Variants in LARP1B observed in about 807,000 individuals in gnomAD.
The protein encoded by LARP1B is la-related protein 1B.
In LARP1B, 76 loss-of-function variants were observed where a neutral mutation model predicts 114.2. The observed-to-expected ratio is 0.67, with a 90% CI of 0.55 to 0.81. The LOEUF is 0.81. LARP1B is among the 30% of genes least tolerant of loss of function. The probability of loss-of-function intolerance (pLI) is 0.00; values close to 1 mark genes in which losing one functional copy is unlikely to be tolerated. For missense variants in LARP1B, 1,014 were observed against 1,075.8 expected, an observed-to-expected ratio of 0.94 and a Z score of 0.80; for synonymous variants, 345 against 348.0, an observed-to-expected ratio of 0.99 and a Z score of 0.10.
Position 128,210,631 on chromosome 4 carries a change from T to C in LARP1B, c.*578T>C. Reference sequence around the variant, plus strand: ...CATATAGTTTAAAGAAAACTTTTTTTAAAACAAAAGTAGGAATATATAGTA... The same window carrying C: ...CATATAGTTTAAAGAAAACTTTTTTCAAAACAAAAGTAGGAATATATAGTA... On this transcript the variant is annotated 3_prime_UTR_variant, in exon 20 of 20. Coordinates refer to ENST00000326639, the MANE Select transcript of LARP1B (RefSeq NM_018078.4). 1 of 949,676 alleles carries C rather than the reference T, an allele frequency of 1.1e-6. No individual in the cohort carries two copies. The highest frequency in any genetic ancestry group is 1.3e-6 in the Non-Finnish European group (1 of 797,424). 58.8% of individuals were successfully genotyped at this position (949,676 alleles called of 1,614,324 possible).
chr4:128,135,330 A>G (rs1793023074), intron 11 of LARP1B, among the ~76,000 whole-genome samples: 1 of 152,142 alleles, frequency 6.6e-6, no homozygotes, highest in South Asian at 2.1e-4. Flanking sequence ...TGTGAATGTA[A>G]AATGGTGCAG....
At chr4:128,137,317 A>G (rs905244331) in intron 11 of LARP1B, among the ~76,000 whole-genome samples, 8 of 152,204 alleles carry the variant, frequency 5.3e-5, no homozygotes, top group African/African-American at 1.9e-4. Flanking sequence ...GCTGTGGGTC[A>G]GCTATTACAG....
chr4:128,145,660 C>G (rs143228351), intron 11 of LARP1B, among the ~76,000 whole-genome samples: 5 of 152,148 alleles, frequency 3.3e-5, no homozygotes, highest in African/African-American at 4.8e-5. Flanking sequence ...CTCAGCAGGA[C>G]AGTTATACTT....
At chr4:128,139,878 A>G (rs988749034) in intron 11 of LARP1B, among the ~76,000 whole-genome samples, 1 of 151,478 alleles carries the variant, frequency 6.6e-6, no homozygotes, top group Admixed American at 6.6e-5. Context: ...AAGAACCTCA[A>G]TCTGTGGGAA....
Position 128,164,898 on chromosome 4 carries a change from C to T in LARP1B, c.1648+2581C>T, listed in dbSNP as rs552407271. On this transcript the variant is annotated intron_variant, in intron 12 of 19. Coordinates refer to ENST00000326639, the MANE Select transcript of LARP1B (RefSeq NM_018078.4). Reference sequence around the variant, plus strand: ...TATTATAAGATGTGGTGTAGTCATACGTAGGAAAAATAGGCAGCAGTGGAA... The same window carrying T: ...TATTATAAGATGTGGTGTAGTCATATGTAGGAAAAATAGGCAGCAGTGGAA... 4.6e-5 allele frequency among the ~76,000 whole-genome samples: 7 copies of T among 151,366 alleles called. No homozygotes were observed. The East Asian group carries it at 7.7e-4, about 17-fold the overall frequency.
chr4:128,111,734 C>G (rs2149856515), intron 9 of LARP1B, among the ~76,000 whole-genome samples: 1 of 152,146 alleles, frequency 6.6e-6, no homozygotes, highest in African/African-American at 2.4e-5. Context: ...TTCTTGTCCC[C>G]CAGGCTGGAG....
chr4:128,140,091 A>G (rs1727324298), intron 11 of LARP1B, among the ~76,000 whole-genome samples: 1 of 152,252 alleles, frequency 6.6e-6, no homozygotes, highest in Non-Finnish European at 1.5e-5. Context: ...CTCAAATTTT[A>G]ATAATTATTG....
rs925179776 is a variant in LARP1B at position 128,217,870 on chromosome 4, G to T, written n.849-2485G>T. Among the ~76,000 whole-genome samples, 3 of 149,512 alleles carry T rather than the reference G, an allele frequency of 2.0e-5. No individual in the cohort carries two copies. The Admixed American group carries it at 2.0e-4, about 10-fold the overall frequency. On this transcript the variant is annotated intron_variant and non_coding_transcript_variant, in intron 6 of 7. Coordinates refer to the LARP1B transcript ENST00000503725. Reference sequence around the variant, plus strand: ...AGTCAAATTACCCCTGTTTGCAGACGACATGATTGTTTATCTAGAAAACCC... The same window carrying T: ...AGTCAAATTACCCCTGTTTGCAGACTACATGATTGTTTATCTAGAAAACCC...
rs1447352046 is a variant in LARP1B, at chr4:128,115,387, C to A, written c.1161+645C>A. ...GGGCCCCCTGGGCAACATAGGGTGACCCTGTCTCTACAAATAATTCATAAA... is the reference window on the plus strand; with the variant it reads ...GGGCCCCCTGGGCAACATAGGGTGAACCTGTCTCTACAAATAATTCATAAA... On this transcript the variant is annotated intron_variant, in intron 10 of 19. Coordinates refer to ENST00000326639, the MANE Select transcript of LARP1B (RefSeq NM_018078.4). 2.0e-5 allele frequency among the ~76,000 whole-genome samples: 3 copies of A among 152,126 alleles called. No individual in the cohort carries two copies. The East Asian group carries it at 5.8e-4, about 29-fold the overall frequency.
At chr4:128,192,191 T>C (rs1752513465) in intron 15 of LARP1B, among the ~76,000 whole-genome samples, 1 of 152,232 alleles carries the variant, frequency 6.6e-6, no homozygotes, top group Non-Finnish European at 1.5e-5. Flanking sequence ...GTCATAATGC[T>C]ATTGCACACT....
At chr4:128,077,328 T>G (rs1768330585) in intron 3 of LARP1B, among the ~76,000 whole-genome samples, 1 of 150,620 alleles carries the variant, frequency 6.6e-6, no homozygotes, top group Non-Finnish European at 1.5e-5. Flanking sequence ...CGAAACCCCC[T>G]CTCTACTTAA....
At chr4:128,117,780 A>G (rs1786391377) in intron 10 of LARP1B, among the ~76,000 whole-genome samples, 1 of 152,104 alleles carries the variant, frequency 6.6e-6, no homozygotes, top group African/African-American at 2.4e-5. Flanking sequence ...TCGGCCTCCC[A>G]AAGTGTTGGG....
At chr4:128,117,950 C>T (rs957143144) in intron 10 of LARP1B, among the ~76,000 whole-genome samples, 7 of 149,748 alleles carry the variant, frequency 4.7e-5, no homozygotes, top group African/African-American at 1.7e-4. Flanking sequence ...GGTTTCACTC[C>T]CTTTGCCTAG....
chr4:128,136,321 CAAAA>C (rs1373935815), intron 11 of LARP1B, among the ~76,000 whole-genome samples: 1 of 148,396 alleles, frequency 6.7e-6, no homozygotes, highest in African/African-American at 2.5e-5. Context: ...TCAAGAAAAA[CAAAA>C]AAACAAAAAA....
chr4:128,199,084 T>C (rs969216412), intron 15 of LARP1B, among the ~76,000 whole-genome samples: 1 of 152,246 alleles, frequency 6.6e-6, no homozygotes, highest in Non-Finnish European at 1.5e-5. Flanking sequence ...TTTACATCAC[T>C]AACCTAAATT....
chr4:128,115,689 C>G (rs1185556219), intron 10 of LARP1B, among the ~76,000 whole-genome samples: 4 of 152,230 alleles, frequency 2.6e-5, no homozygotes, highest in Non-Finnish European at 4.4e-5. Flanking sequence ...GAGTCTCGCT[C>G]TGTCGCCCAG....
chr4:128,205,356 C>G (rs1411914489), intron 17 of LARP1B, among the ~76,000 whole-genome samples: 2 of 152,162 alleles, frequency 1.3e-5, no homozygotes, highest in Non-Finnish European at 2.9e-5. Context: ...ATTGTGGTAT[C>G]TTTTAGTTGA....
At chr4:128,098,747 G>GTATATATATATA (rs1554010737) in intron 8 of LARP1B, among the ~76,000 whole-genome samples, 566 of 15,402 alleles carry the variant, frequency 0.037, 51 homozygotes, top group Non-Finnish European at 0.043. Context: ...ATATGTATGT[G>GTATATATATATA]TATATATATA....
intron 5 of LARP1B, among the ~76,000 whole-genome samples, chr4:128,087,868 G>A (rs557676621): frequency 2.5e-4 from 38 of 151,728 alleles, no homozygotes; most frequent in African/African-American, 8.7e-4. Context: ...ATATATATAT[G>A]CATATGTATA....
Sources: gnomAD v4.1 joint callset for allele counts (sites outside exome capture counted in the v4.1 genomes callset) on GRCh38, gnomAD v4.1.1 for gene constraint, MANE v1.5 for transcripts, NCBI Gene and HGNC (gene_info 2026-07-23, HGNC 2026-07-21) for gene names.